Variants in UBE2Z observed in about 807,000 individuals in gnomAD.
UBE2Z encodes the protein ubiquitin-conjugating enzyme E2 Z.
Under a neutral mutation model 32.6 loss-of-function variants are expected in UBE2Z, and 10 were observed. That is an observed-to-expected ratio of 0.31 (90% confidence interval 0.19 to 0.52). The LOEUF (loss-of-function observed/expected upper bound fraction) is 0.52. UBE2Z is among the 20% of genes least tolerant of loss of function. The pLI, the probability that UBE2Z is intolerant of heterozygous loss-of-function variation, is 0.97. For missense variants in UBE2Z, 343 were observed against 480.9 expected, an observed-to-expected ratio of 0.71 and a Z score of 2.68; for synonymous variants, 183 against 190.8, an observed-to-expected ratio of 0.96 and a Z score of 0.34.
intron 4 of UBE2Z, among the ~76,000 whole-genome samples, chr17:48,917,843 T>C (rs758402417): frequency 3.9e-5 from 6 of 152,230 alleles, no homozygotes; most frequent in Non-Finnish European, 7.3e-5. Context: ...ACTCTTCCGA[T>C]GTGCCTTCCT....
In UBE2Z at chr17:48,910,899, G is replaced by T. The variant is rs1269813395; in HGVS notation, c.390+19G>T. The T allele has an allele frequency of 1.9e-5, 31 of 1,608,006 alleles. No homozygotes were observed. The highest frequency in any genetic ancestry group is 2.4e-5 in the Non-Finnish European group (28 of 1,174,870). On this transcript the variant is annotated intron_variant, in intron 2 of 6. Transcript: ENST00000360943. ...GACTAAGGTATGTAACTTGATGGGG[G>T]TTTGGGGGGTTTTGGGAAATTGGGG...
chr17:48,922,816 T>C, intron 5 of UBE2Z, 31 bp from the exon 6 acceptor site: 2 of 1,586,306 alleles, frequency 1.3e-6, no homozygotes, highest in Non-Finnish European at 1.7e-6. Context: ...CCCCTGGGTT[T>C]CTCACTTACA....
chr17:48,908,952 A>G, intron 1 of UBE2Z, 132 bp downstream of exon 1: 3 of 453,672 alleles, frequency 6.6e-6, no homozygotes, highest in Non-Finnish European at 1.0e-5. Flanking sequence ...CACGGCCCAA[A>G]TCTTGCCAGC....
intron 5 of UBE2Z, among the ~76,000 whole-genome samples, chr17:48,921,566 TA>T (rs1306686712): frequency 2.0e-5 from 3 of 152,320 alleles, no homozygotes; most frequent in African/African-American, 4.8e-5. Context: ...TACTTCATAA[TA>T]AGACTCATTT....
At position 48,908,590 on chromosome 17, in the gene UBE2Z, C is replaced by A; in HGVS notation, c.87C>A (p.Gly29=). ...PGASSVAGVV[G]VSGSGGGFGP... ...CGAGCAGCGTTGCTGGTGTTGTTGG[C>A]GTTAGCGGCAGCGGCGGCGGGTTCG... Residue 29 remains glycine (G), a synonymous_variant, in exon 1 of 7, where the codon GGC becomes GGA. Coordinates refer to ENST00000360943, the MANE Select transcript of UBE2Z (RefSeq NM_023079.5). The A allele has an allele frequency of 8.1e-7, 1 of 1,240,242 alleles. No individual in the cohort carries two copies. The allele number at this position is 1,240,242 out of a possible 1,614,324, so 76.8% of individuals were successfully genotyped here. A position where few individuals can be genotyped will look rare whatever the true frequency, so the allele number is the denominator to read the frequency against.
intron 6 of UBE2Z, 70 bp downstream of exon 6, chr17:48,923,007 G>A (rs1161829016): frequency 6.5e-6 from 9 of 1,376,142 alleles, no homozygotes; most frequent in African/African-American, 1.4e-5. Context: ...CACAAGCGTG[G>A]CATCGACAGC....
At chr17:48,915,434 A>C (rs1336162842) in intron 3 of UBE2Z, among the ~76,000 whole-genome samples, 2 of 152,102 alleles carry the variant, frequency 1.3e-5, no homozygotes, top group Non-Finnish European at 1.5e-5. Context: ...CCCTCCCCCT[A>C]ATACTTGGTT....
At chr17:48,909,502 G>A (rs1262342494) in intron 1 of UBE2Z, among the ~76,000 whole-genome samples, 1 of 150,078 alleles carries the variant, frequency 6.7e-6, no homozygotes, top group Non-Finnish European at 1.5e-5. Flanking sequence ...ACTCTGGATT[G>A]TAATATCCCA....
At position 48,910,619 on chromosome 17, in the gene UBE2Z, T is replaced by C. The variant is rs1013501763; in HGVS notation, c.318-189T>C. ...CAATGCCCTTTTGATAATAATTTGCTCTCTGCCTGCCTGACAAGTACTCAG... is the reference window on the plus strand; with the variant it reads ...CAATGCCCTTTTGATAATAATTTGCCCTCTGCCTGCCTGACAAGTACTCAG... On this transcript the variant is annotated intron_variant, in intron 1 of 6. Coordinates refer to ENST00000360943, the MANE Select transcript of UBE2Z (RefSeq NM_023079.5). The C allele has an allele frequency of 2.0e-5, 10 of 490,664 alleles. No homozygotes were observed. The Admixed American group carries it at 2.3e-4, about 11-fold the overall frequency. The allele number at this position is 490,664 out of a possible 1,614,324, so 30.4% of individuals were successfully genotyped here.
intron 5 of UBE2Z, 68 bp from the exon 6 acceptor site, chr17:48,922,779 G>A (rs1029039445): frequency 2.3e-5 from 28 of 1,219,898 alleles, no homozygotes; most frequent in Non-Finnish European, 2.3e-5. Flanking sequence ...AAAAAAAAAA[G>A]GTTAGGTAAG....
intron 2 of UBE2Z, chr17:48,912,054 ATTTTTTTTT>A (rs34211200): frequency 7.6e-5 from 10 of 132,184 alleles, no homozygotes; most frequent in African/African-American, 2.9e-4. Context: ...AGGACGGCTG[ATTTTTTTTT>A]TTTTTTTTTT....
At chr17:48,916,969 C>T (rs879584379) in intron 4 of UBE2Z, among the ~76,000 whole-genome samples, 6 of 151,596 alleles carry the variant, frequency 4.0e-5, no homozygotes, top group Non-Finnish European at 7.4e-5. Flanking sequence ...CGCCATTACA[C>T]TCCAGCCTGG....
In UBE2Z at chr17:48,908,600, A is replaced by AGCG. The variant is rs1393879805; in HGVS notation, c.105_107dup (p.Gly36dup). 3 of 1,238,796 alleles carry AGCG rather than the reference A, an allele frequency of 2.4e-6. No individual in the cohort carries two copies. Among genetic ancestry groups the AGCG allele is most frequent in the Admixed American group, 4.3e-5 (1 of 23,496 alleles). 76.7% of individuals were successfully genotyped at this position (1,238,796 alleles called of 1,614,324 possible). Reference sequence around the variant, plus strand: ...TGCTGGTGTTGTTGGCGTTAGCGGCAGCGGCGGCGGGTTCGGGCCGCCTTT... The same window carrying AGCG: ...TGCTGGTGTTGTTGGCGTTAGCGGCAGCGGCGGCGGCGGGTTCGGGCCGCCTTT... On this transcript the variant is annotated inframe_insertion, in exon 1 of 7. Transcript: ENST00000360943.
In UBE2Z at chr17:48,908,728, CG is replaced by C; in HGVS notation, c.229del (p.Ala77ProfsTer52). The C allele has an allele frequency of 7.0e-7, 1 of 1,436,662 alleles. No homozygotes were observed. Among genetic ancestry groups the C allele is most frequent in the Non-Finnish European group, 9.1e-7 (1 of 1,095,052 alleles). The allele number at this position is 1,436,662 out of a possible 1,614,324, so 89.0% of individuals were successfully genotyped here. A position where few individuals can be genotyped will look rare whatever the true frequency, so the allele number is the denominator to read the frequency against. ...PGLPPSAAAH[G>X]AALLSHWDPT... is the part of the protein sequence containing the mutation. ...GGCTCCCGCCCTCAGCCGCTGCCCA[CG>C]GGGCCGCGCTGCTTAGCCACTGGGA... On this transcript the variant is annotated frameshift_variant, in exon 1 of 7. Coordinates refer to ENST00000360943, the MANE Select transcript of UBE2Z (RefSeq NM_023079.5). LOFTEE classifies it high-confidence loss of function.
At chr17:48,919,352 A>C (rs114368909) in intron 4 of UBE2Z, among the ~76,000 whole-genome samples, 1 of 152,200 alleles carries the variant, frequency 6.6e-6, no homozygotes, top group Admixed American at 6.6e-5. Context: ...AGAAGAGCAC[A>C]GGAAAAATTA....
Position 48,908,684 on chromosome 17 carries a change from G to A in UBE2Z, c.181G>A (p.Gly61Ser), listed in dbSNP as rs925731266. Residue 61 changes from glycine to serine, a missense_variant, in exon 1 of 7, where the codon GGC (glycine) becomes AGC (serine). By Grantham distance (56) the Gly-to-Ser change is moderately conservative. Transcript: ENST00000360943. ...GGGCGGGGCCGGGGGCCCGGGGAGC[G>A]GCCTGGCTCCGCTGCCCGGGCTCCC... ...AAGGAGGPGS[G>S]LAPLPGLPPS... 8.1e-7 allele frequency: 1 copy of A among 1,231,626 alleles called. No homozygotes were observed. Among genetic ancestry groups the A allele is most frequent in the Non-Finnish European group, 1.0e-6 (1 of 988,220 alleles). 76.3% of individuals were successfully genotyped at this position (1,231,626 alleles called of 1,614,324 possible). A position where few individuals can be genotyped will look rare whatever the true frequency, so the allele number is the denominator to read the frequency against.
chr17:48,923,517 G>A (rs914085617), intron 6 of UBE2Z, among the ~76,000 whole-genome samples: 4 of 149,902 alleles, frequency 2.7e-5, no homozygotes, highest in Non-Finnish European at 4.4e-5. Flanking sequence ...CTATAATCCC[G>A]GCTACTTGGG....
chr17:48,926,082 T>G (rs1460829222), intron 6 of UBE2Z, among the ~76,000 whole-genome samples: 8 of 152,126 alleles, frequency 5.3e-5, no homozygotes, highest in Non-Finnish European at 5.9e-5. Flanking sequence ...GGATCTTTGA[T>G]CTAGAACAAG....
At chr17:48,912,792 G>T (rs373593277) in intron 2 of UBE2Z, 42 bp from the exon 3 acceptor site, 1 of 1,607,478 alleles carries the variant, frequency 6.2e-7, no homozygotes, top group East Asian at 2.2e-5. Context: ...GCTTGGGGTG[G>T]GTCATCACCT....
Sources: gnomAD v4.1 joint callset for allele counts (sites outside exome capture counted in the v4.1 genomes callset) on GRCh38, gnomAD v4.1.1 for gene constraint, MANE v1.5 for transcripts, NCBI Gene and HGNC (gene_info 2026-07-23, HGNC 2026-07-21) for gene names.